The following PTPRU variants were observed in gnomAD, a reference collection of about 807,000 sequenced individuals.
PTPRU encodes the protein receptor-type tyrosine-protein phosphatase U.
PTPRU carries 69 observed loss-of-function variants against 166.3 expected under a neutral mutation model. The observed-to-expected ratio is 0.41, with a 90% confidence interval of 0.34 to 0.51. PTPRU has a LOEUF of 0.51. Ranked by LOEUF, PTPRU falls within the 20% of genes least tolerant of loss-of-function variation. The pLI, the probability that PTPRU is intolerant of heterozygous loss-of-function variation, is 0.09. For synonymous variants in PTPRU, 793 were observed against 814.0 expected (o/e 0.97, Z 0.44); for missense variants, 1,657 against 2,013.7 (o/e 0.82, Z 3.39).
At chr1:29,262,839 C>T (rs1685128964) in intron 7 of PTPRU, among the ~76,000 whole-genome samples, 1 of 152,100 alleles carries the variant, frequency 6.6e-6, no homozygotes, top group Non-Finnish European at 1.5e-5. Context: ...CAGTCATCCC[C>T]ATTTCACTCG....
At chr1:29,303,726 C>CTCCA in intron 15 of PTPRU, 129 bp from the exon 16 acceptor site, 1 of 1,011,104 alleles carries the variant, frequency 9.9e-7, no homozygotes, top group Non-Finnish European at 1.4e-6. Flanking sequence ...GGCTGCTTGG[C>CTCCA]TCCAGCCAAC....
chr1:29,295,153 A>AG (rs1381685827), intron 15 of PTPRU, among the ~76,000 whole-genome samples: 1 of 151,742 alleles, frequency 6.6e-6, no homozygotes, highest in African/African-American at 2.4e-5. Flanking sequence ...CTCCCACCTC[A>AG]GCCTCCCGAG....
intron 14 of PTPRU, among the ~76,000 whole-genome samples, chr1:29,287,594 T>G (rs77868461): frequency 1.9e-3 from 229 of 119,584 alleles, no homozygotes; most frequent in African/African-American, 7.5e-3. Flanking sequence ...TGTATGTATG[T>G]TTTTTTTTTT....
intron 8 of PTPRU, among the ~76,000 whole-genome samples, chr1:29,278,773 A>G (rs751778284): frequency 2.6e-5 from 4 of 152,240 alleles, no homozygotes; most frequent in Non-Finnish European, 4.4e-5. Flanking sequence ...GTACTTAGTA[A>G]TAGGTTGAAC....
chr1:29,289,727 C>A, intron 14 of PTPRU: 1 of 1,613,844 alleles, frequency 6.2e-7, no homozygotes, highest in Non-Finnish European at 8.5e-7. Flanking sequence ...GTAGCTCTAC[C>A]TTGCCTGGGA....
intron 15 of PTPRU, among the ~76,000 whole-genome samples, chr1:29,294,852 G>A (rs76556647): frequency 2.2e-4 from 34 of 152,100 alleles, no homozygotes; most frequent in African/African-American, 6.7e-4. Context: ...CATCTTTCTC[G>A]CACACCCCAT....
At position 29,271,889 on chromosome 1, in the gene PTPRU, G is replaced by C. The variant is rs555595418; in HGVS notation, c.1145-3559G>C. Among the ~76,000 whole-genome samples the C allele has an allele frequency of 6.6e-6, 1 of 152,322 alleles. No individual in the cohort carries two copies. The highest frequency in any genetic ancestry group is 2.1e-4 in the South Asian group (1 of 4,830). ...AAAGGAATGCAGGGCAGCATTCCAG[G>C]GGGTGGGGATGGTGTGAGCTGAGCT... On this transcript the variant is annotated intron_variant, in intron 7 of 29. Transcript: ENST00000373779. The surrounding 1 kb of genome is among the most constrained non-coding windows in gnomAD (Gnocchi z 4.4).
chr1:29,311,393 G>T lies in PTPRU; in HGVS notation c.2858-63G>T. On this transcript the variant is annotated intron_variant, in intron 19 of 29. Transcript: ENST00000373779. The surrounding 1 kb of genome is among the most constrained non-coding windows in gnomAD (Gnocchi z 4.1). Reference sequence around the variant, plus strand: ...TGGGGTGTGGTGCTGGATGGTGCTGGATGTGCTGACCTGGGGTGGAGACCT... The same window carrying T: ...TGGGGTGTGGTGCTGGATGGTGCTGTATGTGCTGACCTGGGGTGGAGACCT... 2.0e-6 allele frequency: 3 copies of T among 1,525,724 alleles called. No homozygotes were observed. In the South Asian group the frequency reaches 3.4e-5, roughly 17 times the overall value. The allele number at this position is 1,525,724 out of a possible 1,614,324, so 94.5% of individuals were successfully genotyped here.
chr1:29,277,355 C>T (rs1685851995), intron 8 of PTPRU, among the ~76,000 whole-genome samples: 1 of 152,130 alleles, frequency 6.6e-6, no homozygotes, highest in African/African-American at 2.4e-5. Context: ...CCCACCTTGG[C>T]CCTGCAAAGT....
At chr1:29,253,423 A>T (rs1490999125) in intron 1 of PTPRU, among the ~76,000 whole-genome samples, 2 of 152,084 alleles carry the variant, frequency 1.3e-5, no homozygotes, top group Non-Finnish European at 2.9e-5. Context: ...ATGACCCATG[A>T]TTAGATTAGA....
chr1:29,285,526 A>G (rs1340721498), intron 14 of PTPRU, among the ~76,000 whole-genome samples: 4 of 152,204 alleles, frequency 2.6e-5, no homozygotes, highest in Non-Finnish European at 1.5e-5. Context: ...ATATCCCAGG[A>G]CATTGTGGAA....
chr1:29,312,333 T>A (rs1687702694), intron 21 of PTPRU, among the ~76,000 whole-genome samples: 1 of 152,378 alleles, frequency 6.6e-6, no homozygotes, highest in South Asian at 2.1e-4. Flanking sequence ...TGCATGTTGT[T>A]GGTTTCTCTA....
At chr1:29,306,383 C>T (rs1383944124) in intron 18 of PTPRU, among the ~76,000 whole-genome samples, 1 of 152,200 alleles carries the variant, frequency 6.6e-6, no homozygotes, top group Non-Finnish European at 1.5e-5. Context: ...ATGCATTGTG[C>T]TGGGCACCAG....
rs750558328 is a variant in PTPRU at position 29,325,221 on chromosome 1, C to T, written c.4143C>T (p.Cys1381=). The T allele has an allele frequency of 1.2e-6, 2 of 1,614,120 alleles. No homozygotes were observed. The highest frequency in any genetic ancestry group is 2.7e-5 in the African/African-American group (2 of 74,930). ...LNGGGRSGTF[C]ACATVLEMIR... is the part of the protein sequence containing the mutation. Reference sequence around the variant, plus strand: ...GGGGAGGACGCAGCGGCACCTTCTGCGCCTGCGCCACGGTCCTGGAGATGA... The same window carrying T: ...GGGGAGGACGCAGCGGCACCTTCTGTGCCTGCGCCACGGTCCTGGAGATGA... The change falls in exon 29 of 30, where the codon TGC becomes TGT. Residue 1381 remains cysteine (C), a synonymous_variant. Coordinates refer to ENST00000373779, the MANE Select transcript of PTPRU (RefSeq NM_133178.4).
chr1:29,283,526 A>T (rs1246927771), intron 12 of PTPRU, among the ~76,000 whole-genome samples: 1 of 151,720 alleles, frequency 6.6e-6, no homozygotes, highest in African/African-American at 2.4e-5. Flanking sequence ...CTCAGATTCC[A>T]GCGTTCCTGT....
intron 7 of PTPRU, among the ~76,000 whole-genome samples, chr1:29,272,906 CAAAA>C (rs57076551): frequency 1.8e-5 from 1 of 54,664 alleles, no homozygotes. Flanking sequence ...GACCTTGTCT[CAAAA>C]AAAAAAAAAA....
At chr1:29,252,803 A>G (rs1574610749) in intron 1 of PTPRU, among the ~76,000 whole-genome samples, 1 of 152,206 alleles carries the variant, frequency 6.6e-6, no homozygotes, top group East Asian at 1.9e-4. Flanking sequence ...TCATCAACAC[A>G]GGAGGCCTCT....
chr1:29,291,935 C>G lies in PTPRU; in HGVS notation c.2385C>G (p.Ala795=). ...AGGAGAAGACACACATGATGAGCGC[C>G]GTGGACCGCAGCTTCACAGACCAGA... ...YRQEKTHMMS[A]VDRSFTDQST... The change falls in exon 15 of 30, where the codon GCC becomes GCG. Residue 795 remains alanine (A), a synonymous_variant. Transcript: ENST00000373779. The surrounding 1 kb of genome is among the most constrained non-coding windows in gnomAD (Gnocchi z 4.1). 1 of 1,614,188 alleles carries G rather than the reference C, an allele frequency of 6.2e-7. No individual in the cohort carries two copies. The highest frequency in any genetic ancestry group is 8.5e-7 in the Non-Finnish European group (1 of 1,180,042).
At chr1:29,262,996 T>G (rs560513945) in intron 7 of PTPRU, among the ~76,000 whole-genome samples, 1 of 152,056 alleles carries the variant, frequency 6.6e-6, no homozygotes, top group South Asian at 2.1e-4. Context: ...ATTTATTTAT[T>G]TATTATTAAG....
Sources: gnomAD v4.1 joint callset for allele counts (sites outside exome capture counted in the v4.1 genomes callset) on GRCh38, gnomAD v4.1.1 for gene constraint, Gnocchi (gnomAD v3.1) non-coding constraint, MANE v1.5 for transcripts, NCBI Gene and HGNC (gene_info 2026-07-23, HGNC 2026-07-21) for gene names.